JARID2: variants seen among roughly 807,000 people sequenced by gnomAD.
The protein encoded by JARID2 is protein Jumonji.
A neutral mutation model predicts 125.6 loss-of-function variants in JARID2; 21 were observed. The observed-to-expected ratio is 0.17, with a 90% CI of 0.12 to 0.24. The LOEUF (loss-of-function observed/expected upper bound fraction) is 0.24, where lower values mean the gene tolerates loss of function less well. Among genes scored for constraint, JARID2 ranks in the 10% least tolerant of loss-of-function variants. The pLI is 1.00. For missense variants in JARID2, 1,303 were observed against 1,639.6 expected, an observed-to-expected ratio of 0.79 and a Z score of 3.55; for synonymous variants, 736 against 661.6, an observed-to-expected ratio of 1.11 and a Z score of -1.73.
chr6:15,332,309 G>A (rs1451773744), intron 1 of JARID2, among the ~76,000 whole-genome samples: 2 of 152,028 alleles, frequency 1.3e-5, no homozygotes, highest in Admixed American at 1.3e-4. Context: ...TATTAACTGG[G>A]GCTCAAACAT....
chr6:15,380,346 A>T (rs1408360667), intron 2 of JARID2, among the ~76,000 whole-genome samples: 1 of 152,104 alleles, frequency 6.6e-6, no homozygotes, highest in Non-Finnish European at 1.5e-5. Flanking sequence ...TCAGTAAGTG[A>T]ATTTTTTATT....
intron 1 of JARID2, among the ~76,000 whole-genome samples, chr6:15,257,514 C>G (rs922731585): frequency 6.6e-6 from 1 of 152,152 alleles, no homozygotes; most frequent in African/African-American, 2.4e-5. Flanking sequence ...CCACTATTTT[C>G]TTGACTCATC....
intron 5 of JARID2, among the ~76,000 whole-genome samples, chr6:15,479,285 C>T (rs1456195654): frequency 1.3e-5 from 2 of 152,188 alleles, no homozygotes; most frequent in Non-Finnish European, 2.9e-5. Flanking sequence ...AGCCATTTTT[C>T]AATGACAAAA....
At chr6:15,252,789 T>C (rs1759507355) in intron 1 of JARID2, among the ~76,000 whole-genome samples, 1 of 152,198 alleles carries the variant, frequency 6.6e-6, no homozygotes, top group South Asian at 2.1e-4. Context: ...ACTGTACTCT[T>C]TATATCCTGT....
At chr6:15,520,015 A>C in intron 17 of JARID2, 54 bp from the exon 18 acceptor site, 203 of 1,379,300 alleles carry the variant, frequency 1.5e-4, no homozygotes, top group Non-Finnish European at 1.8e-4. Flanking sequence ...TCTCAGGGAC[A>C]GAGCTCTTGT....
intron 4 of JARID2, among the ~76,000 whole-genome samples, chr6:15,457,819 T>C (rs142231096): frequency 2.4e-4 from 36 of 152,254 alleles, no homozygotes; most frequent in African/African-American, 8.2e-4. Context: ...AGTATAGATA[T>C]GTAAACACCC....
intron 6 of JARID2, among the ~76,000 whole-genome samples, chr6:15,493,747 T>G (rs1161298545): frequency 6.6e-6 from 1 of 152,064 alleles, no homozygotes; most frequent in Non-Finnish European, 1.5e-5. Flanking sequence ...TTCTAAATGT[T>G]TTGTCTTGTT....
chr6:15,259,814 A>G (rs1759802561), intron 1 of JARID2, among the ~76,000 whole-genome samples: 1 of 152,208 alleles, frequency 6.6e-6, no homozygotes. Context: ...TCATTCTAAA[A>G]AAGGATTTTA....
At chr6:15,364,006 G>T (rs986797077) in intron 1 of JARID2, among the ~76,000 whole-genome samples, 10 of 152,186 alleles carry the variant, frequency 6.6e-5, no homozygotes, top group African/African-American at 1.9e-4. Context: ...GTGGAAATTT[G>T]CATGAGATAG....
rs74574525 is a variant in JARID2, at chr6:15,409,953, G to A, written c.182-271G>A. Among the ~76,000 whole-genome samples, 1,078 of 152,248 alleles carry A rather than the reference G, an allele frequency of 7.1e-3. 13 individuals are homozygous for A. Among genetic ancestry groups the A allele is most frequent in the African/African-American group, 0.025 (1,025 of 41,546 alleles). On this transcript the variant is annotated intron_variant, in intron 2 of 17. Coordinates refer to ENST00000341776, the MANE Select transcript of JARID2 (RefSeq NM_004973.4). ...AGATGTTTATGTACTCTTTAAAAAC[G>A]AATCCTGAAGTATAGTGTTACAGTT... is the stretch of plus-strand genomic sequence containing the variant.
At position 15,514,516 on chromosome 6, in the gene JARID2, A is replaced by T. The variant is rs1388393206; in HGVS notation, c.3450+1094A>T. Among the ~76,000 whole-genome samples the T allele has an allele frequency of 2.6e-5, 4 of 152,064 alleles. No individual in the cohort carries two copies. The East Asian group carries it at 7.8e-4, about 30-fold the overall frequency. On this transcript the variant is annotated intron_variant, in intron 16 of 17. Transcript: ENST00000341776. ...TTGTCCATGGTGGGCCAGGACTGAG[A>T]CCCGGGTCGACTCTCCTTGGCCTCC...
intron 3 of JARID2, among the ~76,000 whole-genome samples, chr6:15,416,003 C>T (rs1009933588): frequency 6.6e-6 from 1 of 151,390 alleles, no homozygotes; most frequent in African/African-American, 2.4e-5. Context: ...TCCTCACCTC[C>T]CAGACGGGGT....
intron 4 of JARID2, among the ~76,000 whole-genome samples, chr6:15,457,581 T>C (rs1768243626): frequency 6.6e-6 from 1 of 152,024 alleles, no homozygotes; most frequent in South Asian, 2.1e-4. Context: ...GAAGTGATGT[T>C]TGTTGCTAAG....
At chr6:15,384,400 AT>A (rs1273976367) in intron 2 of JARID2, among the ~76,000 whole-genome samples, 1 of 140,786 alleles carries the variant, frequency 7.1e-6, no homozygotes, top group African/African-American at 2.7e-5. Context: ...GATAGGCCTC[AT>A]GAAGTTAAGA....
intron 17 of JARID2, among the ~76,000 whole-genome samples, chr6:15,517,710 G>T (rs1445407406): frequency 2.6e-5 from 4 of 152,208 alleles, no homozygotes; most frequent in Non-Finnish European, 5.9e-5. Context: ...GCCCCATGAT[G>T]TGAAATCCCG....
intron 3 of JARID2, among the ~76,000 whole-genome samples, chr6:15,413,010 T>TTTTTG (rs1765961835): frequency 1.2e-5 from 1 of 84,376 alleles, no homozygotes; most frequent in Admixed American, 1.1e-4. Flanking sequence ...GTGTTTTTGT[T>TTTTTG]TTTTTTTTTT....
chr6:15,426,538 T>C (rs1378628619), intron 3 of JARID2, among the ~76,000 whole-genome samples: 1 of 152,202 alleles, frequency 6.6e-6, no homozygotes, highest in Non-Finnish European at 1.5e-5. Context: ...AGGAGGTTAC[T>C]ATGCTTAAGT....
At chr6:15,346,917 G>C (rs1763262217) in intron 1 of JARID2, among the ~76,000 whole-genome samples, 1 of 151,864 alleles carries the variant, frequency 6.6e-6, no homozygotes, top group Admixed American at 6.6e-5. Flanking sequence ...TGTATTTTTA[G>C]TAGAGACAGG....
At chr6:15,279,879 A>T (rs1760684860) in intron 1 of JARID2, among the ~76,000 whole-genome samples, 1 of 152,148 alleles carries the variant, frequency 6.6e-6, no homozygotes. Context: ...GCAATCAGTA[A>T]GTATTGGTTG....
Sources: allele counts gnomAD v4.1 joint callset (sites outside exome capture counted in the v4.1 genomes callset), GRCh38; gene constraint gnomAD v4.1.1; transcripts MANE v1.5; gene names NCBI Gene and HGNC (gene_info 2026-07-23, HGNC 2026-07-21).